Variants in GRM8 observed in about 807,000 individuals in gnomAD.
GRM8 encodes glutamate metabotropic receptor 8.
Under a neutral mutation model 87.2 loss-of-function variants are expected in GRM8, and 47 were observed. The ratio of observed to expected loss-of-function variants is 0.54; its 90% CI spans 0.43 to 0.69. GRM8 has a LOEUF of 0.69. GRM8 is among the 30% of genes least tolerant of loss of function. The probability of loss-of-function intolerance (pLI) is 0.00; values close to 1 mark genes in which losing one functional copy is unlikely to be tolerated. For missense variants in GRM8, 1,019 were observed against 1,139.2 expected (o/e 0.89, Z 1.52); for synonymous variants, 396 against 404.5 (o/e 0.98, Z 0.25).
intron 8 of GRM8, among the ~76,000 whole-genome samples, chr7:126,591,857 G>T (rs1047395987): frequency 6.6e-6 from 1 of 151,370 alleles, no homozygotes; most frequent in East Asian, 1.9e-4. Flanking sequence ...TTCTGGAAAA[G>T]ATTAACAAAT....
chr7:126,732,970 C>T (rs189076077), intron 7 of GRM8, among the ~76,000 whole-genome samples: 1 of 152,210 alleles, frequency 6.6e-6, no homozygotes, highest in African/African-American at 2.4e-5. Context: ...CAACACAAAT[C>T]TGTAAACTTT....
rs75850950 is a variant in GRM8 at position 127,139,717 on chromosome 7, G to C, written c.511-33005C>G. Reference sequence around the variant, plus strand: ...TGTAGCTCATGGAAAGCCTGTGTTAGAGTAGACCAAGACTGGGCAGTAGGC... The same window carrying C: ...TGTAGCTCATGGAAAGCCTGTGTTACAGTAGACCAAGACTGGGCAGTAGGC... On this transcript the variant is annotated intron_variant, in intron 2 of 10. Transcript: ENST00000339582. Among the ~76,000 whole-genome samples, 1,278 of 152,196 alleles carry C rather than the reference G, an allele frequency of 8.4e-3. 14 individuals carry two copies. The highest frequency in any genetic ancestry group is 0.013 in the Non-Finnish European group (892 of 68,022).
In GRM8 at chr7:127,242,952, G is replaced by C. The variant is rs1798392966; in HGVS notation, c.253C>G (p.Gln85Glu). The C allele has an allele frequency of 1.2e-6, 2 of 1,613,978 alleles. No homozygotes were observed. The highest frequency in any genetic ancestry group is 1.7e-6 in the Non-Finnish European group (2 of 1,180,026). ...AGGAGATCAGGGTCCTTGTTAATCTGGTCAATTGCATAAAGCATGGCCTCC... is the reference window on the plus strand; with the variant it reads ...AGGAGATCAGGGTCCTTGTTAATCTCGTCAATTGCATAAAGCATGGCCTCC... ...RLEAMLYAID[Q>E]INKDPDLLSN... is the part of the protein sequence containing the mutation. Residue 85 changes from glutamine to glutamate, a missense_variant, in exon 2 of 11, where the codon CAG becomes GAG. Gln to Glu is a conservative substitution (Grantham distance 29). Transcript: ENST00000339582.
At chr7:126,809,688 T>A (rs1464024464) in intron 6 of GRM8, among the ~76,000 whole-genome samples, 1 of 152,132 alleles carries the variant, frequency 6.6e-6, no homozygotes, top group Non-Finnish European at 1.5e-5. Context: ...TCTCATCAAT[T>A]CCAAATGCCA....
chr7:126,534,101 T>C (rs1303546141), intron 8 of GRM8, among the ~76,000 whole-genome samples: 1 of 152,172 alleles, frequency 6.6e-6, no homozygotes, highest in Non-Finnish European at 1.5e-5. Context: ...TTGATGAGTG[T>C]CATTAGTTTC....
At chr7:126,861,006 C>A (rs1563257990) in intron 6 of GRM8, among the ~76,000 whole-genome samples, 1 of 152,130 alleles carries the variant, frequency 6.6e-6, no homozygotes, top group African/African-American at 2.4e-5. Context: ...CACTGTAAAT[C>A]TTTCATGGGT....
At chr7:126,777,991 T>C (rs1819653345) in intron 6 of GRM8, among the ~76,000 whole-genome samples, 1 of 152,194 alleles carries the variant, frequency 6.6e-6, no homozygotes, top group Admixed American at 6.6e-5. Context: ...TGCCTTTATA[T>C]GATTTTTCTT....
At chr7:126,446,472 T>TA in intron 9 of GRM8, 100 bp from the exon 10 acceptor site, 1 of 753,746 alleles carries the variant, frequency 1.3e-6, no homozygotes. Context: ...GCTTCTCTGC[T>TA]AAAGGCACAT....
intron 6 of GRM8, among the ~76,000 whole-genome samples, chr7:126,850,718 G>A (rs369908033): frequency 3.3e-5 from 5 of 152,184 alleles, no homozygotes; most frequent in African/African-American, 1.2e-4. Flanking sequence ...GTTAATAATC[G>A]AAATAGGAAG....
At chr7:126,496,918 A>G (rs1383942782) in intron 9 of GRM8, among the ~76,000 whole-genome samples, 1 of 151,064 alleles carries the variant, frequency 6.6e-6, no homozygotes, top group African/African-American at 2.4e-5. Context: ...ATACCTCTTT[A>G]TGTACTGAAT....
chr7:127,048,388 T>C (rs1370498207), intron 3 of GRM8, among the ~76,000 whole-genome samples: 8 of 152,210 alleles, frequency 5.3e-5, no homozygotes, highest in Admixed American at 5.2e-4. Context: ...GCAGAGGCCC[T>C]GGTGGGCTTT....
chr7:126,828,743 GC>G (rs750885607), intron 6 of GRM8, among the ~76,000 whole-genome samples: 7 of 152,096 alleles, frequency 4.6e-5, no homozygotes, highest in Non-Finnish European at 7.3e-5. Flanking sequence ...CCTTCTGCTA[GC>G]TTTTGAATGT....
chr7:126,674,342 C>A (rs1346712104), intron 7 of GRM8, among the ~76,000 whole-genome samples: 2 of 152,192 alleles, frequency 1.3e-5, no homozygotes, highest in Non-Finnish European at 2.9e-5. Context: ...GAGATTCTTT[C>A]TCCCCTAAAT....
At chr7:126,827,043 T>G (rs981604316) in intron 6 of GRM8, among the ~76,000 whole-genome samples, 7 of 152,188 alleles carry the variant, frequency 4.6e-5, no homozygotes, top group Non-Finnish European at 1.0e-4. Context: ...TGGCATTATT[T>G]CTGAGGGCTC....
chr7:126,687,279 T>TTTTAAG (rs1237683538), intron 7 of GRM8, among the ~76,000 whole-genome samples: 1 of 152,242 alleles, frequency 6.6e-6, no homozygotes, highest in African/African-American at 2.4e-5. Context: ...TAACAGTGTA[T>TTTTAAG]TCCTAAACCT....
intron 3 of GRM8, among the ~76,000 whole-genome samples, chr7:126,968,764 A>G (rs1319145851): frequency 2.6e-5 from 4 of 152,118 alleles, no homozygotes; most frequent in Admixed American, 2.6e-4. Context: ...ACTAATTTGC[A>G]TTGGTCTTAT....
intron 3 of GRM8, among the ~76,000 whole-genome samples, chr7:127,014,692 A>T (rs11563409): frequency 0.087 from 13,244 of 152,108 alleles, 651 homozygotes; most frequent in South Asian, 0.12. Context: ...TAACATTCAA[A>T]ATTTGGCTTA....
chr7:126,529,535 T>C (rs1295285458), intron 9 of GRM8, among the ~76,000 whole-genome samples: 1 of 152,212 alleles, frequency 6.6e-6, no homozygotes, highest in African/African-American at 2.4e-5. Context: ...AAATCTGGTT[T>C]GAGATTTATT....
At chr7:127,207,239 A>G (rs1488814476) in intron 2 of GRM8, among the ~76,000 whole-genome samples, 2 of 152,076 alleles carry the variant, frequency 1.3e-5, no homozygotes, top group African/African-American at 4.8e-5. Flanking sequence ...AAATATTTGT[A>G]TTTACTATCT....
Sources: gnomAD v4.1 joint callset for allele counts (sites outside exome capture counted in the v4.1 genomes callset) on GRCh38, gnomAD v4.1.1 for gene constraint, MANE v1.5 for transcripts, NCBI Gene and HGNC (gene_info 2026-07-23, HGNC 2026-07-21) for gene names.